TMEM117: variants seen among roughly 807,000 people sequenced by gnomAD.
TMEM117 encodes the protein transmembrane protein 117.
TMEM117 carries 27 observed loss-of-function variants against 52.4 expected under a neutral mutation model. The observed-to-expected ratio is 0.51, with a 90% CI of 0.38 to 0.71. The LOEUF (loss-of-function observed/expected upper bound fraction) is 0.71, where lower values mean the gene tolerates loss of function less well. TMEM117 is among the 30% of genes least tolerant of loss of function. The pLI, the probability that TMEM117 is intolerant of heterozygous loss-of-function variation, is 0.00. For synonymous variants in TMEM117, 215 were observed against 206.3 expected, an observed-to-expected ratio of 1.04 and a Z score of -0.36; for missense variants, 556 against 630.5, an observed-to-expected ratio of 0.88 and a Z score of 1.26.
At chr12:43,844,537 T>C (rs187470282) in intron 1 of TMEM117, 87 bp from the exon 2 acceptor site, 1 of 1,209,378 alleles carries the variant, frequency 8.3e-7, no homozygotes, top group East Asian at 2.3e-5. Flanking sequence ...TACATTTTTA[T>C]GGAACTGTTA....
chr12:43,902,774 A>G (rs2137509180), intron 2 of TMEM117, among the ~76,000 whole-genome samples: 1 of 152,334 alleles, frequency 6.6e-6, no homozygotes, highest in African/African-American at 2.4e-5. Flanking sequence ...AGTTACTCAA[A>G]TGGCATCAAG....
intron 2 of TMEM117, among the ~76,000 whole-genome samples, chr12:43,925,126 G>T (rs561827131): frequency 6.6e-6 from 1 of 152,112 alleles, no homozygotes; most frequent in Non-Finnish European, 1.5e-5. Flanking sequence ...GAGGGACCAC[G>T]GTGGAAACTA....
chr12:44,180,363 T>TA (rs982333542), intron 4 of TMEM117, among the ~76,000 whole-genome samples: 5 of 152,012 alleles, frequency 3.3e-5, no homozygotes, highest in Admixed American at 6.6e-5. Flanking sequence ...TTTTTTTTTT[T>TA]TTATTATACT....
chr12:44,229,178 G>A (rs1197856025), intron 5 of TMEM117, among the ~76,000 whole-genome samples: 1 of 152,086 alleles, frequency 6.6e-6, no homozygotes, highest in African/African-American at 2.4e-5. Flanking sequence ...GGAGGAGCAG[G>A]TTGGGAGAAG....
chr12:44,008,625 T>G (rs1946239909), intron 3 of TMEM117: 1 of 221,460 alleles, frequency 4.5e-6, no homozygotes, highest in Admixed American at 6.0e-5. Flanking sequence ...AACTCTCAGT[T>G]TAGCGACATT....
intron 3 of TMEM117, among the ~76,000 whole-genome samples, chr12:44,074,606 A>G (rs190809597): frequency 6.6e-6 from 1 of 152,320 alleles, no homozygotes; most frequent in Admixed American, 6.5e-5. Context: ...GCTAGTAAGT[A>G]ATAGAGATGA....
intron 6 of TMEM117, among the ~76,000 whole-genome samples, chr12:44,343,056 T>TA (rs1006780199): frequency 3.3e-5 from 5 of 151,992 alleles, no homozygotes; most frequent in African/African-American, 1.2e-4. Context: ...CAGCTAATTT[T>TA]TTTTTTTGTA....
chr12:44,176,981 A>G (rs1949124355), intron 4 of TMEM117, among the ~76,000 whole-genome samples: 1 of 152,150 alleles, frequency 6.6e-6, no homozygotes, highest in Non-Finnish European at 1.5e-5. Context: ...GAAAGGGGTA[A>G]AGTTCTGCAT....
At chr12:44,210,476 T>C (rs1055631970) in intron 4 of TMEM117, among the ~76,000 whole-genome samples, 1 of 152,172 alleles carries the variant, frequency 6.6e-6, no homozygotes, top group Non-Finnish European at 1.5e-5. Flanking sequence ...TATTTTATCA[T>C]TTCTTCTTGA....
intron 3 of TMEM117, among the ~76,000 whole-genome samples, chr12:44,027,204 G>C (rs1380176279): frequency 1.0e-5 from 1 of 98,742 alleles, no homozygotes; most frequent in Admixed American, 9.9e-5. Context: ...ATTTTAATTA[G>C]AGATGGAGTC....
chr12:43,990,894 A>C (rs1945927520), intron 3 of TMEM117, among the ~76,000 whole-genome samples: 1 of 152,198 alleles, frequency 6.6e-6, no homozygotes, highest in Non-Finnish European at 1.5e-5. Flanking sequence ...AAAATGCTAC[A>C]TTGTCCATGG....
chr12:44,374,769 T>C (rs1232159098), intron 6 of TMEM117, among the ~76,000 whole-genome samples: 3 of 152,094 alleles, frequency 2.0e-5, no homozygotes, highest in Admixed American at 2.0e-4. Flanking sequence ...AAGGAAAAGC[T>C]AAATGGGAGC....
chr12:44,195,900 A>G (rs1333976671), intron 4 of TMEM117, among the ~76,000 whole-genome samples: 2 of 133,700 alleles, frequency 1.5e-5, no homozygotes, highest in Non-Finnish European at 3.3e-5. Flanking sequence ...AAATAAATAA[A>G]TAAATAAATA....
At chr12:44,246,709 C>T (rs924237043) in intron 5 of TMEM117, among the ~76,000 whole-genome samples, 3 of 152,116 alleles carry the variant, frequency 2.0e-5, no homozygotes, top group African/African-American at 7.2e-5. Context: ...GAAGTAGACA[C>T]CCTGCAAGCT....
At chr12:44,301,913 A>G (rs1197233065) in intron 6 of TMEM117, among the ~76,000 whole-genome samples, 2 of 152,142 alleles carry the variant, frequency 1.3e-5, no homozygotes, top group Non-Finnish European at 2.9e-5. Flanking sequence ...AGAAAAGGGG[A>G]GAGAGGTTGG....
the TMEM117 span, among the ~76,000 whole-genome samples, chr12:43,817,583 C>T: frequency 6.6e-6 from 1 of 152,140 alleles, no homozygotes; most frequent in Admixed American, 6.5e-5. Context: ...CAAGGAACTA[C>T]ATCATTCCTT....
At chr12:44,124,264 C>G (rs1446464635) in intron 3 of TMEM117, among the ~76,000 whole-genome samples, 1 of 152,144 alleles carries the variant, frequency 6.6e-6, no homozygotes, top group Non-Finnish European at 1.5e-5. Flanking sequence ...TATCCTGAGA[C>G]TTTTCTGAAG....
At chr12:44,183,904 C>G (rs1949240151) in intron 4 of TMEM117, among the ~76,000 whole-genome samples, 1 of 152,168 alleles carries the variant, frequency 6.6e-6, no homozygotes, top group Admixed American at 6.5e-5. Flanking sequence ...AAGCCAAGGC[C>G]TAAAATCCAC....
At chr12:44,098,382 G>C (rs946260443) in intron 3 of TMEM117, among the ~76,000 whole-genome samples, 1 of 151,836 alleles carries the variant, frequency 6.6e-6, no homozygotes, top group African/African-American at 2.4e-5. Context: ...AGGCATTTTT[G>C]CCTATTATTA....
Sources: allele counts gnomAD v4.1 joint callset (sites outside exome capture counted in the v4.1 genomes callset), GRCh38; gene constraint gnomAD v4.1.1; transcripts MANE v1.5; gene names NCBI Gene and HGNC (gene_info 2026-07-23, HGNC 2026-07-21).